PHEX: variants seen among roughly 807,000 people sequenced by gnomAD.
PHEX encodes phosphate-regulating neutral endopeptidase PHEX.
In PHEX, 16 loss-of-function variants were observed where a neutral mutation model predicts 68.0. The observed-to-expected ratio is 0.24, with a 90% CI of 0.16 to 0.36. The LOEUF is 0.36. PHEX is among the 10% of genes least tolerant of loss of function. The pLI, the probability that PHEX is intolerant of heterozygous loss-of-function variation, is 1.00. For missense variants in PHEX, 480 were observed against 575.5 expected (o/e 0.83, Z 1.70); for synonymous variants, 208 against 205.1 (o/e 1.01, Z -0.12).
chrX:22,052,806 G>A (rs1478725581), intron 3 of PHEX, among the ~76,000 whole-genome samples: 1 of 110,521 alleles, frequency 9.0e-6, no homozygotes, highest in Admixed American at 9.8e-5. Context: ...GGGGGAGGGT[G>A]GGAGAAGGGT....
intron 6 of PHEX, 70 bp from the exon 7 acceptor site, chrX:22,093,913 C>G (rs923412706): frequency 1.5e-6 from 1 of 664,218 alleles, no homozygotes; most frequent in Non-Finnish European, 2.5e-6. Context: ...ATTTTCTGCT[C>G]TTCCATGTCT....
intron 15 of PHEX, among the ~76,000 whole-genome samples, chrX:22,195,553 C>A (rs1438678941): frequency 9.2e-6 from 1 of 108,956 alleles, no homozygotes; most frequent in Non-Finnish European, 1.9e-5. Context: ...CGAGATTGTG[C>A]CAGTGCACTA....
At chrX:22,106,082 T>C (rs1420580658) in intron 9 of PHEX, among the ~76,000 whole-genome samples, 2 of 111,179 alleles carry the variant, frequency 1.8e-5, no homozygotes, top group Non-Finnish European at 3.8e-5. Flanking sequence ...ATGTGTTTTT[T>C]TGGGAAAAAA....
At chrX:22,232,986 A>G (rs1602420702) in intron 20 of PHEX, among the ~76,000 whole-genome samples, 1 of 111,184 alleles carries the variant, frequency 9.0e-6, no homozygotes. Flanking sequence ...CTTGTAAGGA[A>G]GGCCTGGTGG....
intron 3 of PHEX, among the ~76,000 whole-genome samples, chrX:22,048,452 T>C (rs1927647510): frequency 9.0e-6 from 1 of 111,528 alleles, no homozygotes; most frequent in African/African-American, 3.3e-5. Context: ...TGGCTTTTCT[T>C]AATAGACAGA....
intron 13 of PHEX, among the ~76,000 whole-genome samples, chrX:22,177,113 A>G (rs1396160544): frequency 9.0e-6 from 1 of 111,313 alleles, no homozygotes; most frequent in African/African-American, 3.3e-5. Flanking sequence ...AAACTTCTCC[A>G]CGGACATGAG....
intron 16 of PHEX, among the ~76,000 whole-genome samples, chrX:22,213,438 G>A (rs973038879): frequency 1.8e-5 from 2 of 111,974 alleles, no homozygotes; most frequent in African/African-American, 6.5e-5. Flanking sequence ...AAGGAGCTTG[G>A]ATACTAATAG....
rs1393313453 is a variant in PHEX, at chrX:22,250,059, C to G, written c.*2106C>G. ...ACCTTATCCTGATTAACTTTACTTG[C>G]TGTAACTGTTATACCGAAAATTGTA... On this transcript the variant is annotated 3_prime_UTR_variant, in exon 22 of 22. Coordinates refer to ENST00000379374, the MANE Select transcript of PHEX (RefSeq NM_000444.6). The G allele has an allele frequency of 8.9e-6, 1 of 111,799 alleles. No individual in the cohort carries two copies. Among genetic ancestry groups the G allele is most frequent in the African/African-American group, 3.3e-5 (1 of 30,708 alleles). The allele number at this position is 111,799 out of a possible 1,213,427, so 9.2% of individuals were successfully genotyped here.
chrX:22,209,790 T>TCTCTCC lies in PHEX; in HGVS notation c.1646-3095_1646-3090dup, dbSNP rs1290256343. Among the ~76,000 whole-genome samples, 13 of 66,460 alleles carry TCTCTCC rather than the reference T, an allele frequency of 2.0e-4. No individual in the cohort carries two copies. In the East Asian group the frequency reaches 4.7e-3, roughly 24 times the overall value. The allele number at this position is 66,460 out of a possible 115,157, so 57.7% of individuals were successfully genotyped here. A position where few individuals can be genotyped will look rare whatever the true frequency, so the allele number is the denominator to read the frequency against. ...CCCTCTCCTCCCTCTCCTCCCTCTC[T>TCTCTCC]CTCTCCCTCTCCCTCTCCCTCTCCT... On this transcript the variant is annotated intron_variant, in intron 15 of 21. Coordinates refer to ENST00000379374, the MANE Select transcript of PHEX (RefSeq NM_000444.6).
At chrX:22,230,716 T>C (rs1602417120) in intron 20 of PHEX, among the ~76,000 whole-genome samples, 1 of 111,774 alleles carries the variant, frequency 8.9e-6, no homozygotes, top group African/African-American at 3.3e-5. Context: ...AATCATGTCA[T>C]CTGCAAACAG....
intron 14 of PHEX, among the ~76,000 whole-genome samples, chrX:22,179,897 A>T (rs1011242935): frequency 3.7e-5 from 4 of 108,484 alleles, no homozygotes; most frequent in Non-Finnish European, 5.7e-5. Flanking sequence ...AAATTAATTA[A>T]TTTTTTTTTA....
chrX:22,049,749 A>G (rs1200353921), intron 3 of PHEX, among the ~76,000 whole-genome samples: 1 of 110,338 alleles, frequency 9.1e-6, no homozygotes, highest in Non-Finnish European at 1.9e-5. Flanking sequence ...CTGTAATCCC[A>G]GCTACTCAGA....
Position 22,099,054 on chromosome X carries a change from C to T in PHEX, c.982C>T (p.Pro328Ser). Residue 328 changes from proline (P) to serine (S), a missense_variant, in exon 9 of 22, where the codon CCC becomes TCC. Transcript: ENST00000379374. ...IKKVIDTRLY[P>S]HLKDISPSEN... ...GAAGGTCATTGACACCAGACTCTAC[C>T]CCCATCTGAAAGACATCAGCCCCTC... 8.3e-7 allele frequency: 1 copy of T among 1,208,261 alleles called. No individual in the cohort carries two copies. Among genetic ancestry groups the T allele is most frequent in the African/African-American group, 1.7e-5 (1 of 57,593 alleles).
At position 22,128,660 on chromosome X, in the gene PHEX, G is replaced by C. The variant is rs181844677; in HGVS notation, c.1303-4863G>C. Among the ~76,000 whole-genome samples, 912 of 111,578 alleles carry C rather than the reference G, an allele frequency of 8.2e-3. 10 individuals are homozygous for C. Among genetic ancestry groups the C allele is most frequent in the African/African-American group, 0.028 (870 of 30,732 alleles). ...AATTTATTTTAAAACCTAATAAAAT[G>C]TTTTGCTTTTGTACACCTTGTCCCA... On this transcript the variant is annotated intron_variant, in intron 11 of 21. Transcript: ENST00000379374.
intron 9 of PHEX, among the ~76,000 whole-genome samples, chrX:22,101,626 C>G (rs1930430616): frequency 9.0e-6 from 1 of 111,433 alleles, no homozygotes; most frequent in Non-Finnish European, 1.9e-5. Flanking sequence ...GTTTGGCATC[C>G]TCTCTATTCA....
intron 2 of PHEX, among the ~76,000 whole-genome samples, chrX:22,043,274 A>G (rs916209425): frequency 1.8e-5 from 2 of 112,284 alleles, no homozygotes; most frequent in African/African-American, 6.5e-5. Context: ...GCAGATACAC[A>G]ATGACTACTT....
chrX:22,228,955 C>T (rs1237953904), intron 20 of PHEX, among the ~76,000 whole-genome samples: 1 of 111,429 alleles, frequency 9.0e-6, no homozygotes, highest in East Asian at 2.8e-4. Flanking sequence ...TTGTTCGACT[C>T]CCACTCATGA....
At chrX:22,153,146 A>G (rs748131827) in intron 12 of PHEX, among the ~76,000 whole-genome samples, 1 of 110,798 alleles carries the variant, frequency 9.0e-6, no homozygotes, top group East Asian at 2.8e-4. Context: ...CATGCACCAC[A>G]ATGCCAAACT....
At chrX:22,164,463 T>TA (rs1161425177) in intron 12 of PHEX, among the ~76,000 whole-genome samples, 1 of 111,340 alleles carries the variant, frequency 9.0e-6, no homozygotes, top group Admixed American at 9.6e-5. Flanking sequence ...CAATAAATAA[T>TA]AAAAAAGGAT....
Sources: gnomAD v4.1 joint callset for allele counts (sites outside exome capture counted in the v4.1 genomes callset) on GRCh38, gnomAD v4.1.1 for gene constraint, MANE v1.5 for transcripts, NCBI Gene and HGNC (gene_info 2026-07-23, HGNC 2026-07-21) for gene names.